Variants in NF1 observed in about 807,000 individuals in gnomAD.
NF1 encodes the protein neurofibromin 1, also known as neurofibromin.
In NF1, 122 loss-of-function variants were observed where a neutral mutation model predicts 325.7. That is an observed-to-expected ratio of 0.37 (90% CI 0.32 to 0.44). The LOEUF (loss-of-function observed/expected upper bound fraction) is 0.44. Ranked by LOEUF, NF1 falls within the 20% of genes least tolerant of loss-of-function variation. The pLI is 1.00. For missense variants in NF1, 2,140 were observed against 3,415.4 expected (o/e 0.63, Z 9.31); for synonymous variants, 1,091 against 1,186.0 (o/e 0.92, Z 1.65).
intron 51 of NF1, among the ~76,000 whole-genome samples, chr17:31,354,732 T>C (rs913792688): frequency 2.6e-5 from 4 of 152,116 alleles, no homozygotes; most frequent in Non-Finnish European, 4.4e-5. Flanking sequence ...CTGGGCATAA[T>C]GGTACACACC....
At position 31,140,213 on chromosome 17, in the gene NF1, C is replaced by T. The variant is rs550562121; in HGVS notation, c.61-15770C>T. On this transcript the variant is annotated intron_variant, in intron 1 of 57. Coordinates refer to ENST00000358273, the MANE Select transcript of NF1 (RefSeq NM_001042492.3). ...GTAATAAGAATCATGTAGGAGAGGTCAAGGAAGCTTACTGCTGTGGGGTTC... is the reference window on the plus strand; with the variant it reads ...GTAATAAGAATCATGTAGGAGAGGTTAAGGAAGCTTACTGCTGTGGGGTTC... Among the ~76,000 whole-genome samples the T allele has an allele frequency of 1.1e-4, 17 of 152,244 alleles. No individual in the cohort carries two copies. The South Asian group carries it at 3.5e-3, about 32-fold the overall frequency.
At chr17:31,122,219 G>A (rs1344392225) in intron 1 of NF1, among the ~76,000 whole-genome samples, 2 of 152,028 alleles carry the variant, frequency 1.3e-5, no homozygotes, top group African/African-American at 4.8e-5. Context: ...AGGAAATTAG[G>A]GGCAACCTTG....
At chr17:31,313,722 A>ATGTGTG (rs60267436) in intron 36 of NF1, among the ~76,000 whole-genome samples, 256 of 139,052 alleles carry the variant, frequency 1.8e-3, no homozygotes, top group African/African-American at 5.8e-3. Flanking sequence ...AAAAAAAAAT[A>ATGTGTG]TGTGTGTGTG....
chr17:31,169,828 G>C (rs772479102), intron 4 of NF1, 63 bp from the exon 5 acceptor site: 22 of 1,172,908 alleles, frequency 1.9e-5, no homozygotes, highest in Non-Finnish European at 2.7e-5. Flanking sequence ...TTACAGGTGT[G>C]AGATACCACA....
At chr17:31,121,395 C>CTTTTTTT (rs71142019) in intron 1 of NF1, among the ~76,000 whole-genome samples, 61 of 92,498 alleles carry the variant, frequency 6.6e-4, no homozygotes, top group African/African-American at 2.3e-3. Context: ...AATCACTATT[C>CTTTTTTT]TTTTTTTTTT....
chr17:31,304,983 A>G, intron 36 of NF1: 2 of 1,614,216 alleles, frequency 1.2e-6, no homozygotes, highest in Non-Finnish European at 1.7e-6. Context: ...TCAGAAGTAC[A>G]CCAATTAGTA....
chr17:31,258,569 A>G (rs2151462442), intron 32 of NF1, 67 bp downstream of exon 32: 1 of 1,480,274 alleles, frequency 6.8e-7, no homozygotes, highest in Non-Finnish European at 9.4e-7. Context: ...CTTTTCTTAC[A>G]GTACTTCCTC....
At chr17:31,363,479 C>T (rs1466703932) in intron 57 of NF1, among the ~76,000 whole-genome samples, 1 of 148,064 alleles carries the variant, frequency 6.8e-6, no homozygotes. Context: ...GCTCTGTCGC[C>T]GAGGCTGGAG....
At chr17:31,305,195 G>T in intron 36 of NF1, 2 of 1,614,176 alleles carry the variant, frequency 1.2e-6, no homozygotes, top group Non-Finnish European at 1.7e-6. Context: ...AATGACTTTG[G>T]TGGTTGTGTG....
At chr17:31,136,671 A>T (rs920109910) in intron 1 of NF1, 2 of 152,180 alleles carry the variant, frequency 1.3e-5, no homozygotes, top group Non-Finnish European at 2.9e-5. Context: ...TGCTGTGTTC[A>T]GTTAACCCTT....
intron 36 of NF1, among the ~76,000 whole-genome samples, chr17:31,280,100 C>G (rs1438562812): frequency 6.6e-6 from 1 of 152,046 alleles, no homozygotes; most frequent in East Asian, 1.9e-4. Flanking sequence ...ATGCTACCAA[C>G]TTATTTGGTA....
At chr17:31,363,932 G>A (rs1420427146) in intron 57 of NF1, among the ~76,000 whole-genome samples, 1 of 151,002 alleles carries the variant, frequency 6.6e-6, no homozygotes, top group Non-Finnish European at 1.5e-5. Flanking sequence ...GTAGAAACCC[G>A]GTTTCCCCAT....
intron 28 of NF1, 45 bp from the exon 29 acceptor site, chr17:31,235,873 T>A (rs2151438364): frequency 6.2e-7 from 1 of 1,608,974 alleles, no homozygotes; most frequent in South Asian, 1.1e-5. Context: ...TAAGGTAAAA[T>A]ATATGGAGCA....
chr17:31,118,833 A>G (rs984204320), intron 1 of NF1, among the ~76,000 whole-genome samples: 2 of 152,190 alleles, frequency 1.3e-5, no homozygotes, highest in Non-Finnish European at 2.9e-5. Flanking sequence ...GTCAAATGGT[A>G]TTTCTAGTTG....
intron 1 of NF1, among the ~76,000 whole-genome samples, chr17:31,145,494 G>A (rs1916522851): frequency 6.6e-6 from 1 of 152,064 alleles, no homozygotes; most frequent in Admixed American, 6.6e-5. Context: ...TCCCATGGCT[G>A]GTCTTCCCAT....
chr17:31,276,100 T>G (rs1244800213), intron 36 of NF1, among the ~76,000 whole-genome samples: 1 of 150,212 alleles, frequency 6.7e-6, no homozygotes, highest in Non-Finnish European at 1.5e-5. Context: ...TCCCAGCTAC[T>G]TGGGAGGCTG....
intron 1 of NF1, among the ~76,000 whole-genome samples, chr17:31,120,683 C>T (rs765531732): frequency 5.3e-5 from 8 of 151,770 alleles, no homozygotes; most frequent in African/African-American, 7.3e-5. Flanking sequence ...TGTCTTGTGC[C>T]GGTTTTCAAA....
At chr17:31,361,518 T>A (rs2070400609) in intron 57 of NF1, 1 of 152,242 alleles carries the variant, frequency 6.6e-6, no homozygotes, top group Admixed American at 6.5e-5. Context: ...TTGTTATGGT[T>A]GTGTTTTCTA....
Position 31,228,683 on chromosome 17 carries a change from T to G in NF1, c.2410-342T>G, listed in dbSNP as rs1286721845. 3.3e-5 allele frequency among the ~76,000 whole-genome samples: 5 copies of G among 152,178 alleles called. No individual in the cohort carries two copies. In the East Asian group the frequency reaches 9.6e-4, roughly 29 times the overall value. Reference sequence around the variant, plus strand: ...CAACCATGAATCTACTTTCTGTCTTTGTAGATTTGCCTATTCCGGATATAT... The same window carrying G: ...CAACCATGAATCTACTTTCTGTCTTGGTAGATTTGCCTATTCCGGATATAT... On this transcript the variant is annotated intron_variant, in intron 20 of 57. Transcript: ENST00000358273.
Sources: allele counts gnomAD v4.1 joint callset (sites outside exome capture counted in the v4.1 genomes callset), GRCh38; gene constraint gnomAD v4.1.1; transcripts MANE v1.5; gene names NCBI Gene and HGNC (gene_info 2026-07-23, HGNC 2026-07-21).